The following CRTC2 variants were observed in gnomAD, a reference collection of about 807,000 sequenced individuals.
CRTC2 encodes the protein CREB-regulated transcription coactivator 2.
Under a neutral mutation model 70.9 loss-of-function variants are expected in CRTC2, and 25 were observed. That is an observed-to-expected ratio of 0.35 (90% CI 0.26 to 0.49). The LOEUF (loss-of-function observed/expected upper bound fraction) is 0.49, where lower values mean the gene tolerates loss of function less well. Among genes scored for constraint, CRTC2 ranks in the 20% least tolerant of loss-of-function variants. The pLI, the probability that CRTC2 is intolerant of heterozygous loss-of-function variation, is 0.98. For synonymous variants in CRTC2, 330 were observed against 364.1 expected (o/e 0.91, Z 1.07); for missense variants, 737 against 882.6 (o/e 0.83, Z 2.09).
At position 153,952,080 on chromosome 1, in the gene CRTC2, T is replaced by C. The variant is rs1427738265; in HGVS notation, c.935A>G (p.His312Arg). 6.2e-7 allele frequency: 1 copy of C among 1,613,964 alleles called. No individual in the cohort carries two copies. ...SGGNSTSNLT[H>R]TMTHLGISRG... The stretch of plus-strand genomic sequence containing the variant: ...GCTGATGCCCAGGTGAGTCATGGTG[T>C]GGGTCAAATTGGAGGTACTGTTGCC... Residue 312 changes from histidine (H) to arginine (R), a missense_variant, in exon 10 of 14, where the codon CAC becomes CGC. His to Arg is a conservative substitution (Grantham distance 29). This residue lies in a region of CRTC2 where 699 missense variants were observed against 823.7 expected (regional missense o/e 0.85). Transcript: ENST00000368633.
At chr1:153,957,673 C>G (rs575544140) in intron 1 of CRTC2, among the ~76,000 whole-genome samples, 1 of 152,208 alleles carries the variant, frequency 6.6e-6, no homozygotes, top group Non-Finnish European at 1.5e-5. Context: ...TTCCACACAA[C>G]TTATGGTCGG....
Position 153,951,553 on chromosome 1 carries a change from A to C in CRTC2, c.1111T>G (p.Ser371Ala). The change falls in exon 11 of 14, where the codon TCT (serine) becomes GCT (alanine). Residue 371 changes from serine (S) to alanine (A), a missense_variant. By Grantham distance (99) the Ser-to-Ala change is moderately conservative (BLOSUM62 1). Around this residue, in one of 3 missense-constraint regions of CRTC2, gnomAD observed 699 missense variants for 823.7 expected, o/e 0.85. Transcript: ENST00000368633. ...CGGGCCAAGGAGGAGGCAGGCAGAG[A>C]GGGGTGGCTGTGGGAGCCCTGAAGC... ...PQLQGSHSHP[S>A]LPASSLARHV... 1 of 1,610,042 alleles carries C rather than the reference A, an allele frequency of 6.2e-7. No individual in the cohort carries two copies. The highest frequency in any genetic ancestry group is 2.2e-5 in the East Asian group (1 of 44,816).
intron 12 of CRTC2, chr1:153,948,865 G>T: frequency 1.3e-6 from 1 of 743,030 alleles, no homozygotes; most frequent in Non-Finnish European, 2.4e-6. Context: ...ATGCCAGGAA[G>T]AGAACGGGTC....
intron 11 of CRTC2, 26 bp downstream of exon 11, chr1:153,951,234 C>T (rs1680297579): frequency 5.0e-6 from 8 of 1,610,996 alleles, no homozygotes; most frequent in Non-Finnish European, 6.8e-6. Context: ...GGGAGACAGA[C>T]ATGCAGGGAA....
At position 153,958,346 on chromosome 1, in the gene CRTC2, C is replaced by A. The variant is rs1234997597; in HGVS notation, c.152G>T (p.Arg51Leu). The A allele has an allele frequency of 1.2e-6, 2 of 1,611,528 alleles. No homozygotes were observed. Among genetic ancestry groups the A allele is most frequent in the Admixed American group, 1.7e-5 (1 of 59,916 alleles). The change falls in exon 1 of 14, where the codon CGG becomes CTG. Residue 51 changes from arginine to leucine, a missense_variant and splice_region_variant. Arg to Leu is a moderately radical substitution (Grantham distance 102). Transcript: ENST00000368633. ...CGGCTCCCCGGCGCGGCCCCTCACC[C>A]GGGTGGAGCCGATGTCCATCATCAC... ...EEVMMDIGSTRLQAQKLRLAY... is the reference protein window; with the variant it reads ...EEVMMDIGSTLLQAQKLRLAY...
In CRTC2 at chr1:153,952,553, C is replaced by G. The variant is rs1416245741; in HGVS notation, c.702+18G>C. 6.2e-7 allele frequency: 1 copy of G among 1,613,936 alleles called. No individual in the cohort carries two copies. The highest frequency in any genetic ancestry group is 1.6e-4 in the Middle Eastern group (1 of 6,062). On this transcript the variant is annotated intron_variant, in intron 8 of 13. Coordinates refer to ENST00000368633, the MANE Select transcript of CRTC2 (RefSeq NM_181715.3). ...TAGCAGAGAGACTAGTGGGTGACAC[C>G]CGGTGGCCTCCTCCTACCTTCTTAG...
At chr1:153,958,194 C>G in intron 1 of CRTC2, 151 bp downstream of exon 1, 3 of 1,430,460 alleles carry the variant, frequency 2.1e-6, no homozygotes, top group South Asian at 2.9e-5. Flanking sequence ...TCCTGCCCCT[C>G]GGCCCTCAAC....
At position 153,955,085 on chromosome 1, in the gene CRTC2, A is replaced by C; in HGVS notation, c.235T>G (p.Ser79Ala). 2 of 1,614,132 alleles carry C rather than the reference A, an allele frequency of 1.2e-6. No homozygotes were observed. Among genetic ancestry groups the C allele is most frequent in the Non-Finnish European group, 1.7e-6 (2 of 1,179,996 alleles). The change falls in exon 2 of 14, where the codon TCT (serine) becomes GCT (alanine). Residue 79 changes from serine (S) to alanine (A), a missense_variant. Ser to Ala is a moderately conservative substitution (Grantham distance 99, BLOSUM62 1). This residue lies in a region of CRTC2 where 699 missense variants were observed against 823.7 expected (regional missense o/e 0.85). Coordinates refer to ENST00000368633, the MANE Select transcript of CRTC2 (RefSeq NM_181715.3). ...CTCACCTGGAACTCGGCCAGGCCAG[A>C]GCCAATCTGGTTAACATTGGGCAGA... ...GSLPNVNQIG[S>A]GLAEFQSPLH...
Position 153,954,859 on chromosome 1 carries a change from C to G in CRTC2, c.372+14G>C. ...CTACCTTTCAGACACTCCCAAGTCCCCTGTGAAGGATATGTGGCGGGTGTA... is the reference window on the plus strand; with the variant it reads ...CTACCTTTCAGACACTCCCAAGTCCGCTGTGAAGGATATGTGGCGGGTGTA... On this transcript the variant is annotated intron_variant, in intron 3 of 13. Transcript: ENST00000368633. The G allele has an allele frequency of 6.2e-7, 1 of 1,609,400 alleles. No individual in the cohort carries two copies. Among genetic ancestry groups the G allele is most frequent in the African/African-American group, 1.3e-5 (1 of 74,918 alleles).
rs963814396 is a variant in CRTC2, at chr1:153,948,706, T to C, written c.1675-62A>G. 4.5e-6 allele frequency: 7 copies of C among 1,541,816 alleles called. No individual in the cohort carries two copies. The African/African-American group carries it at 8.2e-5, about 18-fold the overall frequency. ...TTAGAACTGGTGTCCTGCCTAGCCC[T>C]GCTAACATATCCCCTTTGCCCAGCA... On this transcript the variant is annotated intron_variant, in intron 12 of 13. Transcript: ENST00000368633.
chr1:153,958,609 A>G lies in CRTC2; in HGVS notation c.-112T>C, dbSNP rs1196585544. 8.8e-7 allele frequency: 1 copy of G among 1,140,778 alleles called. No homozygotes were observed. The highest frequency in any genetic ancestry group is 2.6e-5 in the East Asian group (1 of 38,082). The allele number at this position is 1,140,778 out of a possible 1,614,324, so 70.7% of individuals were successfully genotyped here. A position where few individuals can be genotyped will look rare whatever the true frequency, so the allele number is the denominator to read the frequency against. The stretch of plus-strand genomic sequence containing the variant: ...ACCGCCGCCTCAGCGAGCACCGCGA[A>G]CCCGGCCCCAGCCTAGCCCTGACCT... On this transcript the variant is annotated 5_prime_UTR_variant, in exon 1 of 14. Transcript: ENST00000368633.
In CRTC2 at chr1:153,948,243, G is replaced by A. The variant is rs1472922060; in HGVS notation, c.1948C>T (p.Leu650=). 1 of 1,614,134 alleles carries A rather than the reference G, an allele frequency of 6.2e-7. No homozygotes were observed. ...GFEVSAAGLE[L]GLGLEDELRM... ...AGCTCATCTTCTAGCCCAAGCCCTA[G>A]CTCCAATCCAGCTGCTGACACCTCA... The change falls in exon 14 of 14, where the codon CTA becomes TTA. Residue 650 remains leucine, a synonymous_variant. Transcript: ENST00000368633.
chr1:153,953,647 G>C (rs1399711689), intron 4 of CRTC2, 41 bp from the exon 5 acceptor site: 2 of 1,491,288 alleles, frequency 1.3e-6, no homozygotes, highest in Admixed American at 3.6e-5. Flanking sequence ...AAGGCTGGCA[G>C]TGGACAAGAA....
intron 1 of CRTC2, 199 bp downstream of exon 1, chr1:153,958,146 C>T (rs1680735093): frequency 7.1e-7 from 1 of 1,416,708 alleles, no homozygotes; most frequent in Non-Finnish European, 9.2e-7. Context: ...CACCCCGAAC[C>T]TCTCCGGTGT....
At chr1:153,958,078 C>T in intron 1 of CRTC2, 3 of 1,353,230 alleles carry the variant, frequency 2.2e-6, no homozygotes, top group Non-Finnish European at 1.9e-6. Context: ...CTCCGCCGGA[C>T]TTCATCTCCC....
At position 153,951,163 on chromosome 1, in the gene CRTC2, T is replaced by C. The variant is rs370388504; in HGVS notation, c.1404+97A>G. On this transcript the variant is annotated intron_variant, in intron 11 of 13. Transcript: ENST00000368633. ...ACAGAGGAATGGAAGGGGATGAGTA[T>C]AGAGTAGGTATTTCAGGAAAGGAGG... The C allele has an allele frequency of 3.4e-3, 4,302 of 1,255,508 alleles. 50 individuals carry two copies. Among genetic ancestry groups the C allele is most frequent in the South Asian group, 0.021 (1,528 of 74,530 alleles). The allele number at this position is 1,255,508 out of a possible 1,614,324, so 77.8% of individuals were successfully genotyped here.
intron 1 of CRTC2, 46 bp downstream of exon 1, chr1:153,958,299 C>T (rs1462361485): frequency 6.3e-7 from 1 of 1,592,176 alleles, no homozygotes; most frequent in South Asian, 1.1e-5. Context: ...GGTCTCCGCT[C>T]CGTAACTGCT....
chr1:153,950,406 T>A (rs914005817), intron 11 of CRTC2, among the ~76,000 whole-genome samples: 1 of 152,192 alleles, frequency 6.6e-6, no homozygotes, highest in South Asian at 2.1e-4. Context: ...CTTGCTAATC[T>A]GGCCTCAGTC....
intron 11 of CRTC2, among the ~76,000 whole-genome samples, chr1:153,949,903 G>A (rs1308490155): frequency 6.6e-6 from 1 of 151,708 alleles, no homozygotes; most frequent in African/African-American, 2.4e-5. Flanking sequence ...GGCTAACACA[G>A]GGGTAATTTT....
Sources: allele counts gnomAD v4.1 joint callset (sites outside exome capture counted in the v4.1 genomes callset), GRCh38; gene constraint gnomAD v4.1.1; regional missense constraint gnomAD v4.1.1; transcripts MANE v1.5; gene names NCBI Gene and HGNC (gene_info 2026-07-23, HGNC 2026-07-21).